OSBPL3: variants seen among roughly 807,000 people sequenced by gnomAD.
OSBPL3 encodes oxysterol-binding protein-related protein 3.
OSBPL3 carries 65 observed loss-of-function variants against 120.1 expected under a neutral mutation model. The ratio of observed to expected loss-of-function variants is 0.54; its 90% CI spans 0.44 to 0.67. OSBPL3 has a LOEUF of 0.67. OSBPL3 is among the 30% of genes least tolerant of loss of function. The pLI, the probability that OSBPL3 is intolerant of heterozygous loss-of-function variation, is 0.00. For missense variants in OSBPL3, 1,004 were observed against 1,082.1 expected (o/e 0.93, Z 1.01); for synonymous variants, 416 against 402.6 (o/e 1.03, Z -0.40).
intron 1 of OSBPL3, among the ~76,000 whole-genome samples, chr7:24,921,010 C>A (rs1428369929): frequency 6.6e-6 from 1 of 152,136 alleles, no homozygotes; most frequent in Admixed American, 6.5e-5. Flanking sequence ...TTTCTTCTAT[C>A]CCAAGAGGCA....
At chr7:24,970,079 T>C (rs159) in intron 1 of OSBPL3, among the ~76,000 whole-genome samples, 113,678 of 148,550 alleles carry the variant, frequency 0.77, 43,791 homozygotes, top group South Asian at 0.9. Flanking sequence ...TAGAATGTCC[T>C]TCCTACCTTT....
intron 1 of OSBPL3, among the ~76,000 whole-genome samples, chr7:24,941,432 G>C (rs1010395935): frequency 6.6e-6 from 1 of 151,982 alleles, no homozygotes; most frequent in African/African-American, 2.4e-5. Context: ...ATCATCTCTC[G>C]CCTACCTGAC....
intron 1 of OSBPL3, chr7:24,917,952 C>T: frequency 7.0e-6 from 2 of 285,364 alleles, no homozygotes; most frequent in Non-Finnish European, 1.1e-5. Flanking sequence ...TGAGGCAACA[C>T]TTACCCATTT....
At chr7:24,826,854 A>G (rs148232518) in intron 16 of OSBPL3, among the ~76,000 whole-genome samples, 16 of 152,350 alleles carry the variant, frequency 1.1e-4, no homozygotes, top group Non-Finnish European at 1.9e-4. Flanking sequence ...AAGCTTCGAC[A>G]GAGTCGAACT....
rs750213087 is a variant in OSBPL3, at chr7:24,840,787, T to C, written c.1402-4A>G. 1.7e-5 allele frequency: 22 copies of C among 1,306,832 alleles called. No homozygotes were observed. The highest frequency in any genetic ancestry group is 2.2e-5 in the Admixed American group (1 of 46,388). 81.0% of individuals were successfully genotyped at this position (1,306,832 alleles called of 1,614,324 possible). On this transcript the variant is annotated splice_region_variant and splice_polypyrimidine_tract_variant and intron_variant, in intron 13 of 22. Coordinates refer to ENST00000313367, the MANE Select transcript of OSBPL3 (RefSeq NM_015550.4). Reference sequence around the variant, plus strand: ...CATATGAGTCATCATCAGAAATCTATGGGAAAGAAGAAATAACATTCATTA... The same window carrying C: ...CATATGAGTCATCATCAGAAATCTACGGGAAAGAAGAAATAACATTCATTA...
intron 14 of OSBPL3, among the ~76,000 whole-genome samples, chr7:24,839,405 T>A (rs1797413819): frequency 6.6e-6 from 1 of 152,166 alleles, no homozygotes; most frequent in African/African-American, 2.4e-5. Context: ...CTCCAGATAT[T>A]CCACAGTTCG....
chr7:24,912,745 A>C lies in OSBPL3; in HGVS notation c.-149-20124T>G, dbSNP rs1040133337. Reference sequence around the variant, plus strand: ...TTCAAAGACGACCATACCAATGTACATCCCATCCCACATGCTCCTCTAACA... The same window carrying C: ...TTCAAAGACGACCATACCAATGTACCTCCCATCCCACATGCTCCTCTAACA... On this transcript the variant is annotated intron_variant, in intron 1 of 22. Transcript: ENST00000313367. This position sits in a 1 kb window ranked among gnomAD's most constrained non-coding sequence, Gnocchi z 4.5. 1.3e-5 allele frequency among the ~76,000 whole-genome samples: 2 copies of C among 152,236 alleles called. No individual in the cohort carries two copies. The highest frequency in any genetic ancestry group is 2.4e-5 in the African/African-American group (1 of 41,458).
Position 24,863,157 on chromosome 7 carries a change from G to A in OSBPL3, c.870+43C>T. ...CTGCTGGCACACGGCATGCAGAGCA[G>A]GGCCAATGAAGAAACCAGTCTGTCA... On this transcript the variant is annotated intron_variant, in intron 9 of 22. Transcript: ENST00000313367. This position sits in a 1 kb window ranked among gnomAD's most constrained non-coding sequence, Gnocchi z 5.8. 2 of 1,389,094 alleles carry A rather than the reference G, an allele frequency of 1.4e-6. No homozygotes were observed. Among genetic ancestry groups the A allele is most frequent in the Non-Finnish European group, 2.1e-6 (2 of 974,400 alleles). 86.0% of individuals were successfully genotyped at this position (1,389,094 alleles called of 1,614,324 possible). A position where few individuals can be genotyped will look rare whatever the true frequency, so the allele number is the denominator to read the frequency against.
chr7:24,880,953 G>C (rs1225398276), intron 2 of OSBPL3, among the ~76,000 whole-genome samples: 1 of 152,092 alleles, frequency 6.6e-6, no homozygotes, highest in African/African-American at 2.4e-5. Context: ...CCTGCCCTTT[G>C]GTGTCTGAGC....
chr7:24,913,635 C>A lies in OSBPL3; in HGVS notation c.-149-21014G>T, dbSNP rs1010300758. Among the ~76,000 whole-genome samples, 1 of 152,036 alleles carries A rather than the reference C, an allele frequency of 6.6e-6. No individual in the cohort carries two copies. The highest frequency in any genetic ancestry group is 1.5e-5 in the Non-Finnish European group (1 of 68,016). ...CACAAAGATGAAAAGACACATGAACCCCTTAAAAACCCTGGAAACATTCCT... is the reference window on the plus strand; with the variant it reads ...CACAAAGATGAAAAGACACATGAACACCTTAAAAACCCTGGAAACATTCCT... On this transcript the variant is annotated intron_variant, in intron 1 of 22. Transcript: ENST00000313367. The surrounding 1 kb of genome is among the most constrained non-coding windows in gnomAD (Gnocchi z 5.3).
At chr7:24,910,995 C>G (rs1808745102) in intron 1 of OSBPL3, among the ~76,000 whole-genome samples, 1 of 152,192 alleles carries the variant, frequency 6.6e-6, no homozygotes, top group South Asian at 2.1e-4. Flanking sequence ...CAAGGGCATC[C>G]TGAGACACTC....
At chr7:24,876,825 C>G (rs990228032) in intron 2 of OSBPL3, among the ~76,000 whole-genome samples, 3 of 152,080 alleles carry the variant, frequency 2.0e-5, no homozygotes, top group Non-Finnish European at 4.4e-5. Flanking sequence ...AAGCAGGAAC[C>G]TTTTCTGTCT....
rs1305091129 is a variant in OSBPL3, at chr7:24,930,907, A to C, written c.-149-38286T>G. 6.6e-6 allele frequency among the ~76,000 whole-genome samples: 1 copy of C among 152,246 alleles called. No individual in the cohort carries two copies. The highest frequency in any genetic ancestry group is 1.5e-5 in the Non-Finnish European group (1 of 68,050). On this transcript the variant is annotated intron_variant, in intron 1 of 22. Transcript: ENST00000313367. The surrounding 1 kb of genome is among the most constrained non-coding windows in gnomAD (Gnocchi z 4.4). ...TCTCCAATCCAAATGCCAAATACAT[A>C]CATGGTAGAATGTGAAGATGACTTT...
rs1584421877 is a variant in OSBPL3, at chr7:24,863,533, T to C, written c.740A>G (p.His247Arg). Residue 247 changes from histidine (H) to arginine (R), a missense_variant, in exon 8 of 23, where the codon CAT (histidine) becomes CGT (arginine). His to Arg is a conservative substitution (Grantham distance 29). This residue lies in a region of OSBPL3 where 272 missense variants were observed against 248.8 expected (regional missense o/e 1.09). Transcript: ENST00000313367. The surrounding 1 kb of genome is among the most constrained non-coding windows in gnomAD (Gnocchi z 5.8). ...GATAGCTGGTGCCGAGTATGTCCGATGCAGGACGTCCATGCTTTGCAGGAG... is the reference window on the plus strand; with the variant it reads ...GATAGCTGGTGCCGAGTATGTCCGACGCAGGACGTCCATGCTTTGCAGGAG... The part of the protein sequence containing the change: ...SQLLQSMDVL[H>R]RTYSAPAINA... The C allele has an allele frequency of 3.1e-6, 5 of 1,614,138 alleles. No individual in the cohort carries two copies. Among genetic ancestry groups the C allele is most frequent in the African/African-American group, 1.3e-5 (1 of 75,046 alleles).
At chr7:24,927,405 C>T (rs1407582622) in intron 1 of OSBPL3, among the ~76,000 whole-genome samples, 1 of 152,160 alleles carries the variant, frequency 6.6e-6, no homozygotes, top group Non-Finnish European at 1.5e-5. Context: ...ACTCAGTCTA[C>T]AAATCCTCTA....
chr7:24,936,493 G>C lies in OSBPL3; in HGVS notation c.-150+43393C>G, dbSNP rs993682467. On this transcript the variant is annotated intron_variant, in intron 1 of 22. Coordinates refer to ENST00000313367, the MANE Select transcript of OSBPL3 (RefSeq NM_015550.4). The surrounding 1 kb of genome is among the most constrained non-coding windows in gnomAD (Gnocchi z 4.2). The stretch of plus-strand genomic sequence containing the variant: ...CACCACCAATGAGAATAAAGTCCTG[G>C]GAGTATATGGAGAAGTAAACAGCCA... Among the ~76,000 whole-genome samples the C allele has an allele frequency of 2.6e-5, 4 of 152,180 alleles. No homozygotes were observed. The highest frequency in any genetic ancestry group is 5.9e-5 in the Non-Finnish European group (4 of 68,026).
Position 24,964,608 on chromosome 7 carries a change from A to G in OSBPL3, c.-150+15278T>C, listed in dbSNP as rs1284647382. On this transcript the variant is annotated intron_variant, in intron 1 of 22. Transcript: ENST00000313367. This position sits in a 1 kb window ranked among gnomAD's most constrained non-coding sequence, Gnocchi z 4.2. ...GGAATCTAAGGAGACATGGCAACCA[A>G]GATAATGTAGAACCCCACATGGAGT... Among the ~76,000 whole-genome samples the G allele has an allele frequency of 6.6e-6, 1 of 152,240 alleles. No individual in the cohort carries two copies.
At chr7:24,810,109 T>A in intron 19 of OSBPL3, 158 bp from the exon 20 acceptor site, 1 of 668,702 alleles carries the variant, frequency 1.5e-6, no homozygotes, top group African/African-American at 1.8e-5. Context: ...AACCGACAAA[T>A]AAAAAATTTA....
rs75193252 is a variant in OSBPL3 at position 24,950,056 on chromosome 7, A to G, written c.-150+29830T>C. The stretch of plus-strand genomic sequence containing the variant: ...CCATTGTTTTCCCCACAGAAATGCT[A>G]TTATAAATGATTAGATTCATAAGCC... On this transcript the variant is annotated intron_variant, in intron 1 of 22. Coordinates refer to ENST00000313367, the MANE Select transcript of OSBPL3 (RefSeq NM_015550.4). Among the ~76,000 whole-genome samples, 1,271 of 152,346 alleles carry G rather than the reference A, an allele frequency of 8.3e-3. 19 individuals are homozygous for G. Among genetic ancestry groups the G allele is most frequent in the African/African-American group, 0.029 (1,191 of 41,570 alleles).
Sources: allele counts gnomAD v4.1 joint callset (sites outside exome capture counted in the v4.1 genomes callset), GRCh38; gene constraint gnomAD v4.1.1; regional missense constraint gnomAD v4.1.1; non-coding constraint Gnocchi (gnomAD v3.1); transcripts MANE v1.5; gene names NCBI Gene and HGNC (gene_info 2026-07-23, HGNC 2026-07-21).